DCC: variants seen among roughly 807,000 people sequenced by gnomAD.
The protein encoded by DCC is netrin receptor DCC.
Under a neutral mutation model 172.5 loss-of-function variants are expected in DCC, and 58 were observed. The observed-to-expected ratio is 0.34, with a 90% CI of 0.27 to 0.42. The LOEUF (loss-of-function observed/expected upper bound fraction) is 0.42, where lower values mean the gene tolerates loss of function less well. DCC is among the 10% of genes least tolerant of loss of function. The pLI, the probability that DCC is intolerant of heterozygous loss-of-function variation, is 1.00. For synonymous variants in DCC, 709 were observed against 644.5 expected (o/e 1.10, Z -1.52); for missense variants, 1,740 against 1,791.0 (o/e 0.97, Z 0.51).
intron 2 of DCC, among the ~76,000 whole-genome samples, chr18:52,813,842 C>T (rs997130418): frequency 6.6e-6 from 1 of 152,126 alleles, no homozygotes; most frequent in African/African-American, 2.4e-5. Context: ...GCCTTCAGAC[C>T]AGACTGCAAT....
At chr18:52,622,949 T>C (rs148004903) in intron 1 of DCC, among the ~76,000 whole-genome samples, 1 of 152,354 alleles carries the variant, frequency 6.6e-6, no homozygotes, top group East Asian at 1.9e-4. Flanking sequence ...ACAAAGGACA[T>C]GTAAAGAAGT....
chr18:52,761,509 A>C (rs902081275), intron 2 of DCC, among the ~76,000 whole-genome samples: 1 of 152,226 alleles, frequency 6.6e-6, no homozygotes, highest in African/African-American at 2.4e-5. Flanking sequence ...TGGACCTTGA[A>C]TCATGAAGTT....
At chr18:52,590,360 T>C (rs1163013314) in intron 1 of DCC, among the ~76,000 whole-genome samples, 1 of 152,206 alleles carries the variant, frequency 6.6e-6, no homozygotes, top group Non-Finnish European at 1.5e-5. Context: ...AATTACCAGA[T>C]GTTTTTGGCT....
At chr18:53,156,486 C>CAA (rs71175558) in intron 7 of DCC, among the ~76,000 whole-genome samples, 1 of 96,846 alleles carries the variant, frequency 1.0e-5, no homozygotes, top group African/African-American at 3.6e-5. Flanking sequence ...CCATCTCAAC[C>CAA]AAAAAAAAAA....
At chr18:53,238,265 G>A (rs2144631004) in intron 12 of DCC, among the ~76,000 whole-genome samples, 1 of 152,168 alleles carries the variant, frequency 6.6e-6, no homozygotes, top group South Asian at 2.1e-4. Context: ...TGGGTTCTAG[G>A]TGAATCATGA....
rs772737002 is a variant in DCC at position 53,386,059 on chromosome 18, T to C, written c.2376T>C (p.Tyr792=). 2 of 1,611,300 alleles carry C rather than the reference T, an allele frequency of 1.2e-6. No homozygotes were observed. The highest frequency in any genetic ancestry group is 1.7e-6 in the Non-Finnish European group (2 of 1,177,446). ...TTTCTCCAGAGTCAAGTTCCCATTA[T>C]GTAATCTCCCTAAAAGCTTTTAACA... ...SIERLESSSH[Y]VISLKAFNNA... Residue 792 remains tyrosine, a synonymous_variant, in exon 16 of 29, where the codon TAT becomes TAC. Coordinates refer to ENST00000442544, the MANE Select transcript of DCC (RefSeq NM_005215.4).
intron 7 of DCC, among the ~76,000 whole-genome samples, chr18:53,115,770 C>A (rs1229691263): frequency 1.3e-5 from 2 of 151,494 alleles, no homozygotes; most frequent in African/African-American, 4.8e-5. Context: ...GTAAACTCAA[C>A]TTGAACAAAA....
chr18:52,696,817 T>C (rs1296252469), intron 1 of DCC, among the ~76,000 whole-genome samples: 2 of 152,204 alleles, frequency 1.3e-5, no homozygotes, highest in African/African-American at 4.8e-5. Context: ...GGCTACAATA[T>C]AGTCAGGTGA....
intron 22 of DCC, among the ~76,000 whole-genome samples, chr18:53,435,881 G>A (rs1911909686): frequency 1.3e-5 from 2 of 152,132 alleles, no homozygotes; most frequent in Non-Finnish European, 2.9e-5. Flanking sequence ...TTAAAAGGAT[G>A]GACTAATACT....
chr18:53,206,471 GTATA>G (rs1025776855), intron 10 of DCC, among the ~76,000 whole-genome samples: 1 of 106,892 alleles, frequency 9.4e-6, no homozygotes, highest in Non-Finnish European at 2.0e-5. Flanking sequence ...GTTATATATA[GTATA>G]TATAATATAT....
At chr18:53,322,719 T>A (rs919447121) in intron 14 of DCC, among the ~76,000 whole-genome samples, 2 of 151,570 alleles carry the variant, frequency 1.3e-5, no homozygotes, top group African/African-American at 4.8e-5. Flanking sequence ...ATTAATAAAT[T>A]AAATATAAGC....
chr18:52,812,966 G>A (rs1233658801), intron 2 of DCC, among the ~76,000 whole-genome samples: 1 of 152,178 alleles, frequency 6.6e-6, no homozygotes, highest in Non-Finnish European at 1.5e-5. Flanking sequence ...AAATTGTAGA[G>A]TGGGGAGGGT....
intron 8 of DCC, among the ~76,000 whole-genome samples, chr18:53,162,254 G>T (rs756413944): frequency 6.8e-6 from 1 of 146,210 alleles, no homozygotes; most frequent in Non-Finnish European, 1.5e-5. Context: ...AGCCGAGATC[G>T]TGCTACTGCA....
chr18:53,179,200 C>A, intron 9 of DCC, 84 bp downstream of exon 9: 1 of 1,369,686 alleles, frequency 7.3e-7, no homozygotes, highest in Non-Finnish European at 1.0e-6. Context: ...AGAACCTTTG[C>A]GAAGTGACAA....
intron 12 of DCC, among the ~76,000 whole-genome samples, chr18:53,246,101 A>T (rs1286712443): frequency 6.6e-6 from 1 of 152,048 alleles, no homozygotes; most frequent in Non-Finnish European, 1.5e-5. Flanking sequence ...TTACCCAGGG[A>T]TGAAAGCATA....
At chr18:53,514,350 G>A (rs2046304873) in intron 27 of DCC, among the ~76,000 whole-genome samples, 1 of 152,046 alleles carries the variant, frequency 6.6e-6, no homozygotes, top group East Asian at 1.9e-4. Context: ...GAGAGAGCAG[G>A]AAAGATCCAA....
At chr18:53,274,244 T>C (rs1369716985) in intron 12 of DCC, among the ~76,000 whole-genome samples, 1 of 152,114 alleles carries the variant, frequency 6.6e-6, no homozygotes, top group Non-Finnish European at 1.5e-5. Context: ...CTGTTATCGA[T>C]TCTACAGAAG....
At chr18:53,185,985 T>C (rs1240062391) in intron 9 of DCC, among the ~76,000 whole-genome samples, 1 of 152,216 alleles carries the variant, frequency 6.6e-6, no homozygotes, top group Non-Finnish European at 1.5e-5. Flanking sequence ...TACATAAGCA[T>C]CTTCCGAAGT....
chr18:53,508,947 G>C (rs577485516), intron 27 of DCC, among the ~76,000 whole-genome samples: 1 of 152,178 alleles, frequency 6.6e-6, no homozygotes, highest in East Asian at 1.9e-4. Context: ...CATTACAATA[G>C]CATAGGTCCC....
Sources: gnomAD v4.1 joint callset for allele counts (sites outside exome capture counted in the v4.1 genomes callset) on GRCh38, gnomAD v4.1.1 for gene constraint, MANE v1.5 for transcripts, NCBI Gene and HGNC (gene_info 2026-07-23, HGNC 2026-07-21) for gene names.